The following SEMA4C variants were observed in gnomAD, a reference collection of about 807,000 sequenced individuals.
The protein encoded by SEMA4C is semaphorin-4C.
A neutral mutation model predicts 89.0 loss-of-function variants in SEMA4C; 19 were observed. That is an observed-to-expected ratio of 0.21 (90% CI 0.15 to 0.31). The LOEUF is 0.31. Ranked by LOEUF, SEMA4C falls within the 10% of genes least tolerant of loss-of-function variation. The pLI is 1.00. For missense variants in SEMA4C, 811 were observed against 1,107.0 expected (o/e 0.73, Z 3.79); for synonymous variants, 428 against 472.7 (o/e 0.91, Z 1.23).
intron 1 of SEMA4C, chr2:96,869,153 C>T (rs961461525): frequency 1.3e-5 from 13 of 985,306 alleles, no homozygotes; most frequent in African/African-American, 1.7e-5. Flanking sequence ...GACCAGCCCC[C>T]CAAAACGCCC....
chr2:96,868,888 G>A (rs952005719), intron 1 of SEMA4C: 2 of 985,366 alleles, frequency 2.0e-6, no homozygotes, highest in Non-Finnish European at 2.4e-6. Context: ...GCCTGGGCGG[G>A]CCAGCGGGAT....
rs1156801422 is a variant in SEMA4C, at chr2:96,866,331, T to A, written c.210A>T (p.Arg70=). The A allele has an allele frequency of 3.1e-6, 5 of 1,613,286 alleles. No individual in the cohort carries two copies. Among genetic ancestry groups the A allele is most frequent in the Admixed American group, 1.7e-5 (1 of 60,002 alleles). ...CCATGCTGAAGGCAAACAGGGCCTCTCGGGCGCCCACGTACAGAAGCCCAG... is the reference window on the plus strand; with the variant it reads ...CCATGCTGAAGGCAAACAGGGCCTCACGGGCGCCCACGTACAGAAGCCCAG... ...EPTGLLYVGA[R]EALFAFSMEA... is the part of the protein sequence containing the mutation. Residue 70 remains arginine (R), a synonymous_variant, in exon 3 of 15, where the codon CGA becomes CGT. Transcript: ENST00000305476.
rs1399146795 is a variant in SEMA4C, at chr2:96,860,183, T to TA, written c.*442dup. 5 of 172,916 alleles carry TA rather than the reference T, an allele frequency of 2.9e-5. No individual in the cohort carries two copies. Among genetic ancestry groups the TA allele is most frequent in the African/African-American group, 9.5e-5 (4 of 42,076 alleles). 10.7% of individuals were successfully genotyped at this position (172,916 alleles called of 1,614,324 possible). On this transcript the variant is annotated 3_prime_UTR_variant, in exon 15 of 15. Coordinates refer to ENST00000305476, the MANE Select transcript of SEMA4C (RefSeq NM_017789.5). ...AGTGGGGGTAGGAGAGACAAAGTGA[T>TA]ACGACCCCTTCCCCTTCATAGCTCC...
Position 96,860,416 on chromosome 2 carries a change from ATGCCT to A in SEMA4C, c.*205_*209del. 1 of 536,294 alleles carries A rather than the reference ATGCCT, an allele frequency of 1.9e-6. No individual in the cohort carries two copies. 33.2% of individuals were successfully genotyped at this position (536,294 alleles called of 1,614,324 possible). ...TCTGTGATTCACAGAGAGGAGGAAG[ATGCCT>A]TCTGCGAGGCTGGTGCCCTGGTGAG... is the stretch of plus-strand genomic sequence containing the variant. On this transcript the variant is annotated 3_prime_UTR_variant, in exon 15 of 15. Transcript: ENST00000305476.
rs537342696 is a variant in SEMA4C at position 96,869,233 on chromosome 2, G to T, written c.-38+643C>A. The T allele has an allele frequency of 1.9e-4, 187 of 985,336 alleles. No homozygotes were observed. In the African/African-American group the frequency reaches 3.2e-3, roughly 17 times the overall value. 61.0% of individuals were successfully genotyped at this position (985,336 alleles called of 1,614,324 possible). ...GTGGCGTGCTCCGAGGATCCGCCCG[G>T]CAGCGGTGCTCCCACCCGCAGCTCC... On this transcript the variant is annotated intron_variant, in intron 1 of 14. Coordinates refer to ENST00000305476, the MANE Select transcript of SEMA4C (RefSeq NM_017789.5).
chr2:96,862,571 T>C (rs1164412770), intron 12 of SEMA4C: 3 of 152,196 alleles, frequency 2.0e-5, no homozygotes, highest in Non-Finnish European at 2.9e-5. Flanking sequence ...AATACAAAAA[T>C]TAGCCGGCTG....
At chr2:96,865,969 C>T (rs918429310) in intron 3 of SEMA4C, 40 bp from the exon 4 acceptor site, 17 of 1,598,244 alleles carry the variant, frequency 1.1e-5, no homozygotes, top group Middle Eastern at 1.7e-4. Flanking sequence ...GTTACAGGTA[C>T]GGACTGAGCA....
At position 96,860,925 on chromosome 2, in the gene SEMA4C, C is replaced by T. The variant is rs766822299; in HGVS notation, c.2203G>A (p.Gly735Ser). The T allele has an allele frequency of 7.2e-5, 116 of 1,612,958 alleles. 2 individuals are homozygous for T. In the South Asian group the frequency reaches 1.1e-3, roughly 15 times the overall value. The change falls in exon 15 of 15, where the codon GGT (glycine) becomes AGT (serine). Residue 735 changes from glycine to serine, a missense_variant. Coordinates refer to ENST00000305476, the MANE Select transcript of SEMA4C (RefSeq NM_017789.5). ...AGGGAGCCATCTGAATAGTAGTAACCGACAGGATCCCAAAGTTTCTCATCT... is the reference window on the plus strand; with the variant it reads ...AGGGAGCCATCTGAATAGTAGTAACTGACAGGATCCCAAAGTTTCTCATCT... ...EPDEKLWDPVGYYYSDGSLKI... is the reference protein window; with the variant it reads ...EPDEKLWDPVSYYYSDGSLKI...
rs139774966 is a variant in SEMA4C, at chr2:96,863,980, C to T, written c.1276G>A (p.Asp426Asn). The T allele has an allele frequency of 1.4e-5, 22 of 1,613,486 alleles. No individual in the cohort carries two copies. The African/African-American group carries it at 2.3e-4, about 17-fold the overall frequency. Residue 426 changes from aspartate (D) to asparagine (N), a missense_variant, in exon 11 of 15, where the codon GAC (aspartate) becomes AAC (asparagine). Physicochemically the swap from Asp to Asn is conservative, Grantham distance 23. Transcript: ENST00000305476. ...KGTNFTHLVA[D>N]RVTGLDGATY... The stretch of plus-strand genomic sequence containing the variant: ...GCTCCATCAAGTCCTGTAACCCGGT[C>T]GGCCACCAGGTGGGTGAAGTTGGTG...
upstream of SEMA4C, chr2:96,870,588 G>C: frequency 1.0e-6 from 1 of 985,500 alleles, no homozygotes; most frequent in Non-Finnish European, 1.2e-6. Context: ...AGGCCCCGAG[G>C]ACCACTGGTC....
rs771693934 is a variant in SEMA4C, at chr2:96,861,138, G to A, written c.1990C>T (p.Leu664=). The A allele has an allele frequency of 6.2e-7, 1 of 1,611,494 alleles. No individual in the cohort carries two copies. The highest frequency in any genetic ancestry group is 1.1e-5 in the South Asian group (1 of 91,042). ...AGGGCCACCACCGCCAGCCACACCA[G>A]CCCCAGGTTTTCCAGGGGGGCCCGG... The part of the protein sequence containing the change: ...EARAPLENLG[L]VWLAVVALGA... The change falls in exon 15 of 15, where the codon CTG becomes TTG. Residue 664 remains leucine, a synonymous_variant. Transcript: ENST00000305476. This position sits in a 1 kb window ranked among gnomAD's most constrained non-coding sequence, Gnocchi z 7.8.
chr2:96,868,713 CG>C, intron 1 of SEMA4C: 2 of 957,720 alleles, frequency 2.1e-6, no homozygotes, highest in Non-Finnish European at 2.5e-6. Flanking sequence ...CGGGTCGAGT[CG>C]GGGACTCCGG....
Position 96,860,281 on chromosome 2 carries a change from C to G in SEMA4C, c.*345G>C, listed in dbSNP as rs943428528. ...AGGAAGGCTATGCCACAAGCGCGCA[C>G]GCGCGTGCACACACACATACACACA... On this transcript the variant is annotated 3_prime_UTR_variant, in exon 15 of 15. Transcript: ENST00000305476. The G allele has an allele frequency of 3.8e-6, 1 of 262,578 alleles. No homozygotes were observed. The highest frequency in any genetic ancestry group is 7.2e-6 in the Non-Finnish European group (1 of 139,402). 16.3% of individuals were successfully genotyped at this position (262,578 alleles called of 1,614,324 possible).
chr2:96,864,304 C>G lies in SEMA4C; in HGVS notation c.1041G>C (p.Glu347Asp). ...IQRVFEGPYK[E>D]YHEEAQKWDR... ...CCCACTTCTGGGCTTCCTCATGGTA[C>G]TCCTTATAGGGGCCCTCAAACACCC... is the stretch of plus-strand genomic sequence containing the variant. Residue 347 changes from glutamate (E) to aspartate (D), a missense_variant, in exon 10 of 15, where the codon GAG becomes GAC. Around this residue, in one of 4 missense-constraint regions of SEMA4C, gnomAD observed 441 missense variants for 664.9 expected, o/e 0.66. Coordinates refer to ENST00000305476, the MANE Select transcript of SEMA4C (RefSeq NM_017789.5). This position sits in a 1 kb window ranked among gnomAD's most constrained non-coding sequence, Gnocchi z 6.3. The G allele has an allele frequency of 1.2e-6, 2 of 1,614,064 alleles. No homozygotes were observed. The highest frequency in any genetic ancestry group is 1.7e-6 in the Non-Finnish European group (2 of 1,180,020).
intron 3 of SEMA4C, among the ~76,000 whole-genome samples, 157 bp from the exon 4 acceptor site, chr2:96,866,086 A>G (rs1185720653): frequency 1.3e-5 from 2 of 152,022 alleles, no homozygotes; most frequent in African/African-American, 4.8e-5. Flanking sequence ...GCCCCAAACC[A>G]CCCCACTACA....
chr2:96,870,024 C>A lies in SEMA4C; in HGVS notation c.-186G>T. 1.0e-6 allele frequency: 1 copy of A among 985,220 alleles called. No individual in the cohort carries two copies. Among genetic ancestry groups the A allele is most frequent in the South Asian group, 4.5e-5 (1 of 21,990 alleles). 61.0% of individuals were successfully genotyped at this position (985,220 alleles called of 1,614,324 possible). On this transcript the variant is annotated 5_prime_UTR_variant, in exon 1 of 15. Coordinates refer to ENST00000305476, the MANE Select transcript of SEMA4C (RefSeq NM_017789.5). The stretch of plus-strand genomic sequence containing the variant: ...ACCGCCCCTCCGTCCCCGCCCGGCT[C>A]CGCGCCCCTAGGCTCGGGCTCCCCG...
intron 1 of SEMA4C, chr2:96,869,345 C>A: frequency 1.0e-6 from 1 of 985,342 alleles, no homozygotes; most frequent in Non-Finnish European, 1.2e-6. Context: ...CCCTCGCCCA[C>A]CCCGAGCGGC....
rs924839775 is a variant in SEMA4C, at chr2:96,870,070, G to A, written c.-232C>T. 4.1e-6 allele frequency: 4 copies of A among 977,316 alleles called. No individual in the cohort carries two copies. In the African/African-American group the frequency reaches 7.0e-5, roughly 17 times the overall value. 60.5% of individuals were successfully genotyped at this position (977,316 alleles called of 1,614,324 possible). On this transcript the variant is annotated 5_prime_UTR_variant, in exon 1 of 15. Transcript: ENST00000305476. The stretch of plus-strand genomic sequence containing the variant: ...CCCCGCGCCACCACGGCGGGCGCCG[G>A]CTCTTTCTCCAGCGCGGCCGCGGCT...
At chr2:96,867,683 C>CTG (rs1303425055) in intron 2 of SEMA4C, 95 bp downstream of exon 2, 30 of 1,253,486 alleles carry the variant, frequency 2.4e-5, no homozygotes, top group Middle Eastern at 1.9e-4. Context: ...TCTTAGAAAG[C>CTG]TGTGCCACAC....
Sources: allele counts gnomAD v4.1 joint callset (sites outside exome capture counted in the v4.1 genomes callset), GRCh38; gene constraint gnomAD v4.1.1; regional missense constraint gnomAD v4.1.1; non-coding constraint Gnocchi (gnomAD v3.1); transcripts MANE v1.5; gene names NCBI Gene and HGNC (gene_info 2026-07-23, HGNC 2026-07-21).